The following SPACA7 variants were observed in gnomAD, a reference collection of about 807,000 sequenced individuals.
The protein encoded by SPACA7 is sperm acrosome-associated protein 7.
SPACA7 carries 19 observed loss-of-function variants against 26.3 expected under a neutral mutation model. The observed-to-expected ratio is 0.72, with a 90% CI of 0.50 to 1.06. SPACA7 has a LOEUF of 1.06. Ranked by LOEUF, SPACA7 falls within the 50% of genes least tolerant of loss-of-function variation. The pLI, the probability that SPACA7 is intolerant of heterozygous loss-of-function variation, is 0.00. For missense variants in SPACA7, 211 were observed against 229.9 expected (o/e 0.92, Z 0.53); for synonymous variants, 84 against 84.5 (o/e 0.99, Z 0.04).
At chr13:112,409,850 G>A (rs1886232237) in intron 5 of SPACA7, among the ~76,000 whole-genome samples, 2 of 152,172 alleles carry the variant, frequency 1.3e-5, no homozygotes, top group South Asian at 4.1e-4. Flanking sequence ...ATTTGACCCA[G>A]CCATCCCATT....
At chr13:112,385,280 C>T (rs1454982886) in intron 1 of SPACA7, among the ~76,000 whole-genome samples, 1 of 152,166 alleles carries the variant, frequency 6.6e-6, no homozygotes. Flanking sequence ...ATTGCATTCC[C>T]TTTAACAAAA....
Position 112,399,115 on chromosome 13 carries a change from T to C in SPACA7, c.291T>C (p.His97=), listed in dbSNP as rs746469895. The C allele has an allele frequency of 3.1e-6, 5 of 1,611,232 alleles. No homozygotes were observed. The highest frequency in any genetic ancestry group is 4.2e-6 in the Non-Finnish European group (5 of 1,177,642). ...AAGCTGGTGGTTCTGAGAATTACCA[T>C]GAATTATTAGAGAATTTACAATTCT... ...NYQAGGSENY[H]ELLENLQFSP... Residue 97 remains histidine, a synonymous_variant, in exon 4 of 7, where the codon CAT becomes CAC. Transcript: ENST00000283550.
At chr13:112,429,539 TA>T (rs1876863000) in intron 5 of SPACA7, among the ~76,000 whole-genome samples, 1 of 152,164 alleles carries the variant, frequency 6.6e-6, no homozygotes, top group African/African-American at 2.4e-5. Context: ...TTTGTGTCTT[TA>T]GGGGGGTTTC....
At chr13:112,387,984 T>C (rs1884635670) in intron 1 of SPACA7, among the ~76,000 whole-genome samples, 1 of 152,112 alleles carries the variant, frequency 6.6e-6, no homozygotes, top group Non-Finnish European at 1.5e-5. Flanking sequence ...TGAATGGTAA[T>C]TCACAATGAG....
At chr13:112,426,554 T>C (rs1475175756) in intron 5 of SPACA7, among the ~76,000 whole-genome samples, 2 of 152,370 alleles carry the variant, frequency 1.3e-5, no homozygotes, top group South Asian at 2.1e-4. Flanking sequence ...TCCACTTATT[T>C]AGATCTTTGC....
chr13:112,403,479 A>G (rs78679922), intron 5 of SPACA7, among the ~76,000 whole-genome samples: 1 of 152,166 alleles, frequency 6.6e-6, no homozygotes, highest in Non-Finnish European at 1.5e-5. Context: ...GGTTACATGA[A>G]TAAGTTCTTT....
At chr13:112,429,866 G>T (rs530819224) in intron 5 of SPACA7, among the ~76,000 whole-genome samples, 3 of 152,126 alleles carry the variant, frequency 2.0e-5, no homozygotes, top group Non-Finnish European at 4.4e-5. Flanking sequence ...TTACTTTAAA[G>T]CAGTTTGGTC....
At chr13:112,417,760 A>G (rs184089971) in intron 5 of SPACA7, among the ~76,000 whole-genome samples, 116 of 152,258 alleles carry the variant, frequency 7.6e-4, no homozygotes, top group African/African-American at 2.7e-3. Flanking sequence ...TCAGATCAAT[A>G]TTAGGCTTTT....
At chr13:112,381,196 A>C (rs1417687859) in intron 1 of SPACA7, among the ~76,000 whole-genome samples, 1 of 152,180 alleles carries the variant, frequency 6.6e-6, no homozygotes, top group Non-Finnish European at 1.5e-5. Context: ...CTGTTTTTAA[A>C]AGGCAAACAC....
At chr13:112,431,030 C>T (rs556957762) in intron 5 of SPACA7, among the ~76,000 whole-genome samples, 2 of 152,316 alleles carry the variant, frequency 1.3e-5, no homozygotes, top group South Asian at 2.1e-4. Flanking sequence ...AACTGGGTCA[C>T]AGTTGTGGCC....
chr13:112,393,680 A>G (rs1274051175), intron 2 of SPACA7, among the ~76,000 whole-genome samples: 1 of 152,292 alleles, frequency 6.6e-6, no homozygotes, highest in African/African-American at 2.4e-5. Context: ...GGGCCGTCCA[A>G]TAGAAACACA....
intron 5 of SPACA7, among the ~76,000 whole-genome samples, chr13:112,413,830 AT>A (rs1324015184): frequency 6.6e-6 from 1 of 152,168 alleles, no homozygotes; most frequent in Non-Finnish European, 1.5e-5. Context: ...CCATAATGGG[AT>A]ACCTGAGGCT....
intron 1 of SPACA7, among the ~76,000 whole-genome samples, chr13:112,383,045 A>AGAGAGAGAGAGAGAAAGAAAGG (rs781245231): frequency 1.5e-5 from 2 of 134,946 alleles, no homozygotes; most frequent in African/African-American, 2.8e-5. Context: ...AGAGAGAAAG[A>AGAGAGAGAGAGAGAAAGAAAGG]CAGAAGGAAA....
chr13:112,415,976 TGC>T (rs147315462), intron 5 of SPACA7, among the ~76,000 whole-genome samples: 2,102 of 151,996 alleles, frequency 0.014, 43 homozygotes, highest in African/African-American at 0.049. Context: ...TGAGCTCCAA[TGC>T]AAGGTCCCAC....
chr13:112,379,083 A>G (rs1883879978), intron 1 of SPACA7, among the ~76,000 whole-genome samples: 1 of 152,232 alleles, frequency 6.6e-6, no homozygotes, highest in Non-Finnish European at 1.5e-5. Flanking sequence ...ACAAAACATT[A>G]AAAAACCAGA....
chr13:112,409,342 A>T (rs1350386664), intron 5 of SPACA7, among the ~76,000 whole-genome samples: 15 of 148,938 alleles, frequency 1.0e-4, no homozygotes, highest in South Asian at 4.2e-4. Flanking sequence ...AAGCAATGGC[A>T]ACAAAAGCCA....
intron 2 of SPACA7, among the ~76,000 whole-genome samples, chr13:112,397,132 G>A (rs181157870): frequency 2.6e-5 from 4 of 152,262 alleles, no homozygotes; most frequent in East Asian, 1.9e-4. Context: ...CTTTTTTATC[G>A]GTCGTATTGG....
rs531931169 is a variant in SPACA7 at position 112,406,584 on chromosome 13, A to G, written c.445+5420A>G. On this transcript the variant is annotated intron_variant, in intron 5 of 6. Transcript: ENST00000283550. ...GAGATTTTTTTCCAAGAAGATATAC[A>G]TGGCCAATAAGTCCATGAAAAGATG... 3.2e-4 allele frequency among the ~76,000 whole-genome samples: 49 copies of G among 152,336 alleles called. 1 individual carries two copies. Among genetic ancestry groups the G allele is most frequent in the African/African-American group, 1.1e-3 (45 of 41,576 alleles).
At chr13:112,424,417 G>C (rs182394702) in intron 5 of SPACA7, among the ~76,000 whole-genome samples, 1 of 152,138 alleles carries the variant, frequency 6.6e-6, no homozygotes, top group African/African-American at 2.4e-5. Context: ...GAGCTGGCCC[G>C]GGCCAGGGAG....
Sources: gnomAD v4.1 joint callset for allele counts (sites outside exome capture counted in the v4.1 genomes callset) on GRCh38, gnomAD v4.1.1 for gene constraint, MANE v1.5 for transcripts, NCBI Gene and HGNC (gene_info 2026-07-23, HGNC 2026-07-21) for gene names.